Variants in BNC2 observed in about 807,000 individuals in gnomAD.
The protein encoded by BNC2 is zinc finger protein basonuclin-2.
BNC2 carries 20 observed loss-of-function variants against 76.3 expected under a neutral mutation model. The ratio of observed to expected loss-of-function variants is 0.26; its 90% CI spans 0.18 to 0.38. The LOEUF is 0.38. Ranked by LOEUF, BNC2 falls within the 10% of genes least tolerant of loss-of-function variation. The pLI, the probability that BNC2 is intolerant of heterozygous loss-of-function variation, is 1.00. For synonymous variants in BNC2, 582 were observed against 514.8 expected, an observed-to-expected ratio of 1.13 and a Z score of -1.77; for missense variants, 1,382 against 1,399.8, an observed-to-expected ratio of 0.99 and a Z score of 0.20.
chr9:16,430,045 C>G, intron 6 of BNC2: 1 of 484,580 alleles, frequency 2.1e-6, no homozygotes, highest in South Asian at 1.5e-5. Flanking sequence ...GTTTATCTTA[C>G]TACCAAAGTT....
chr9:16,769,070 C>T (rs370817507), intron 1 of BNC2, among the ~76,000 whole-genome samples: 87 of 152,268 alleles, frequency 5.7e-4, no homozygotes, highest in African/African-American at 2.0e-3. Flanking sequence ...AAGAAAGCAA[C>T]GGGTCTTCTG....
intron 3 of BNC2, among the ~76,000 whole-genome samples, chr9:16,659,757 G>A (rs138009465): frequency 3.8e-4 from 58 of 152,178 alleles, no homozygotes; most frequent in Admixed American, 1.4e-3. Context: ...TCTCCTCAGC[G>A]TTGCTTTTCT....
intron 1 of BNC2, among the ~76,000 whole-genome samples, chr9:16,790,821 T>TG (rs1817484310): frequency 6.7e-6 from 1 of 149,820 alleles, no homozygotes. Flanking sequence ...GGTAAGCTTT[T>TG]TTTTTTTTTT....
chr9:16,788,621 C>A (rs112011780), intron 1 of BNC2, among the ~76,000 whole-genome samples: 1 of 151,030 alleles, frequency 6.6e-6, no homozygotes, highest in Non-Finnish European at 1.5e-5. Flanking sequence ...AGTCTACAGT[C>A]CAAGGCAAGG....
chr9:16,541,164 A>G (rs1259861138), intron 5 of BNC2, among the ~76,000 whole-genome samples: 1 of 152,220 alleles, frequency 6.6e-6, no homozygotes, highest in Non-Finnish European at 1.5e-5. Context: ...TGAATAACAC[A>G]CTGACCTTTT....
chr9:16,734,739 A>G (rs931479179), intron 2 of BNC2, among the ~76,000 whole-genome samples: 8 of 152,254 alleles, frequency 5.3e-5, no homozygotes. Flanking sequence ...AAGAAAAAAT[A>G]ATAACCACTC....
intron 5 of BNC2, among the ~76,000 whole-genome samples, chr9:16,544,809 C>CA (rs60198484): frequency 0.073 from 6,017 of 82,274 alleles, 441 homozygotes; most frequent in African/African-American, 0.2. Flanking sequence ...GACTCCACCT[C>CA]AAAAAAAAAA....
chr9:16,622,925 T>C (rs2133608442), intron 3 of BNC2, among the ~76,000 whole-genome samples: 1 of 152,280 alleles, frequency 6.6e-6, no homozygotes, highest in South Asian at 2.1e-4. Flanking sequence ...GATGAACAAC[T>C]TTATTCTCTG....
chr9:16,663,128 C>CTTTTTTTTT (rs1220327938), intron 3 of BNC2, among the ~76,000 whole-genome samples: 31 of 51,674 alleles, frequency 6.0e-4, no homozygotes, highest in African/African-American at 2.1e-3. Flanking sequence ...ACTCTGTTTA[C>CTTTTTTTTT]TCTTTTTTTT....
chr9:16,492,999 T>C (rs1427064384), intron 5 of BNC2, among the ~76,000 whole-genome samples: 1 of 152,186 alleles, frequency 6.6e-6, no homozygotes, highest in South Asian at 2.1e-4. Context: ...TGTTTCCTGG[T>C]GATCATCCAT....
chr9:16,865,032 A>C (rs1819508367), intron 1 of BNC2, among the ~76,000 whole-genome samples: 1 of 38,834 alleles, frequency 2.6e-5, no homozygotes, highest in South Asian at 8.8e-4. Flanking sequence ...CTGGCTTTGG[A>C]CTGAAAAAAA....
intron 1 of BNC2, among the ~76,000 whole-genome samples, chr9:16,821,755 C>G (rs1818336684): frequency 6.6e-6 from 1 of 152,028 alleles, no homozygotes; most frequent in African/African-American, 2.4e-5. Flanking sequence ...TCAAGACCAG[C>G]TGGGCCAACA....
At chr9:16,478,690 T>TGGGCGCC (rs1175749952) in intron 5 of BNC2, among the ~76,000 whole-genome samples, 4 of 129,270 alleles carry the variant, frequency 3.1e-5, no homozygotes, top group Admixed American at 7.5e-5. Context: ...GATCACAGAA[T>TGGGCGCC]GTACAGATGC....
chr9:16,677,617 T>C (rs866963835), intron 3 of BNC2, among the ~76,000 whole-genome samples: 9 of 78,350 alleles, frequency 1.1e-4, no homozygotes, highest in Non-Finnish European at 1.6e-4. Context: ...AGTAGCAATA[T>C]CCTGACTACT....
intron 1 of BNC2, among the ~76,000 whole-genome samples, chr9:16,847,707 T>C (rs1036148183): frequency 5.9e-5 from 9 of 152,168 alleles, no homozygotes; most frequent in African/African-American, 1.4e-4. Flanking sequence ...CACAAAACTA[T>C]TGAATAAATC....
At chr9:16,421,229 C>G (rs1205076335) in intron 6 of BNC2, 42 of 1,284,162 alleles carry the variant, frequency 3.3e-5, no homozygotes, top group Non-Finnish European at 4.2e-5. Context: ...GGCAGCAGCC[C>G]TCTCCAACTG....
chr9:16,517,543 A>C (rs542329716), intron 5 of BNC2, among the ~76,000 whole-genome samples: 3 of 152,256 alleles, frequency 2.0e-5, no homozygotes, highest in African/African-American at 7.2e-5. Flanking sequence ...ATATGCTGTA[A>C]TTTACCTGAC....
chr9:16,578,237 A>G (rs192475385), intron 4 of BNC2, among the ~76,000 whole-genome samples: 2 of 152,314 alleles, frequency 1.3e-5, no homozygotes, highest in African/African-American at 4.8e-5. Context: ...TTATCATTAA[A>G]TATTTCCTAA....
In BNC2 at chr9:16,412,716, G is replaced by C. The variant is rs1820489312; in HGVS notation, c.*6273C>G. 7.5e-6 allele frequency: 1 copy of C among 132,704 alleles called. No homozygotes were observed. The highest frequency in any genetic ancestry group is 2.8e-5 in the African/African-American group (1 of 36,114). 8.2% of individuals were successfully genotyped at this position (132,704 alleles called of 1,614,324 possible). On this transcript the variant is annotated 3_prime_UTR_variant, in exon 7 of 7. Transcript: ENST00000380672. ...GGAGAATAAGAGGGAAGGAGAGAGA[G>C]AGGGGAGAGAGAGAGAGAGAGAGAG...
Sources: gnomAD v4.1 joint callset for allele counts (sites outside exome capture counted in the v4.1 genomes callset) on GRCh38, gnomAD v4.1.1 for gene constraint, MANE v1.5 for transcripts, NCBI Gene and HGNC (gene_info 2026-07-23, HGNC 2026-07-21) for gene names.